The following SEPTIN9 variants were observed in gnomAD, a reference collection of about 807,000 sequenced individuals.
The protein encoded by SEPTIN9 is septin-9.
SEPTIN9 carries 13 observed loss-of-function variants against 56.6 expected under a neutral mutation model. The ratio of observed to expected loss-of-function variants is 0.23; its 90% CI spans 0.15 to 0.37. The LOEUF (loss-of-function observed/expected upper bound fraction) is 0.37. SEPTIN9 is among the 10% of genes least tolerant of loss of function. The pLI is 1.00. For missense variants in SEPTIN9, 650 were observed against 823.1 expected (o/e 0.79, Z 2.57); for synonymous variants, 332 against 334.1 (o/e 0.99, Z 0.07).
chr17:77,441,507 C>T (rs895473439), intron 3 of SEPTIN9, among the ~76,000 whole-genome samples: 4 of 152,192 alleles, frequency 2.6e-5, no homozygotes, highest in African/African-American at 4.8e-5. Flanking sequence ...CCCCAAAACC[C>T]CATAAGGGAG....
In SEPTIN9 at chr17:77,402,008, T is replaced by C; in HGVS notation, c.77-51T>C. The stretch of plus-strand genomic sequence containing the variant: ...CTCCTTAGCAGGAAACATGCCGGAG[T>C]GTTCCCTAGCCATCCATTCACCAAT... On this transcript the variant is annotated intron_variant, in intron 2 of 11. Coordinates refer to ENST00000427177, the MANE Select transcript of SEPTIN9 (RefSeq NM_001113491.2). This position sits in a 1 kb window ranked among gnomAD's most constrained non-coding sequence, Gnocchi z 6.6. 1 of 1,571,008 alleles carries C rather than the reference T, an allele frequency of 6.4e-7. No individual in the cohort carries two copies. Among genetic ancestry groups the C allele is most frequent in the African/African-American group, 1.4e-5 (1 of 73,800 alleles).
At chr17:77,373,888 T>A (rs911287142) in intron 2 of SEPTIN9, 1 of 294,902 alleles carries the variant, frequency 3.4e-6, no homozygotes, top group Non-Finnish European at 6.3e-6. Context: ...CTCGCGAGGC[T>A]GCCTCGGAAC....
In SEPTIN9 at chr17:77,498,841, C is replaced by T. The variant is rs1321463223; in HGVS notation, c.*183C>T. 16 of 627,282 alleles carry T rather than the reference C, an allele frequency of 2.6e-5. No homozygotes were observed. The highest frequency in any genetic ancestry group is 3.0e-4 in the Middle Eastern group (1 of 3,372). 38.9% of individuals were successfully genotyped at this position (627,282 alleles called of 1,614,324 possible). A position where few individuals can be genotyped will look rare whatever the true frequency, so the allele number is the denominator to read the frequency against. On this transcript the variant is annotated 3_prime_UTR_variant, in exon 12 of 12. Coordinates refer to ENST00000427177, the MANE Select transcript of SEPTIN9 (RefSeq NM_001113491.2). ...TCCGAGTGAGTCAGTGATGAGGCCG[C>T]GGCCTCCCCGAGGTTGTGGGGAGGC...
rs1568114370 is a variant in SEPTIN9, at chr17:77,486,523, C to CGT, written c.914-900_914-899insTG. ...GTGTGTGTGTGTGTGTGTGTGTGTG[C>CGT]GCGCACGCGCGCGCGTGTTATATGT... On this transcript the variant is annotated intron_variant, in intron 4 of 11. Transcript: ENST00000427177. Among the ~76,000 whole-genome samples, 5 of 101,268 alleles carry CGT rather than the reference C, an allele frequency of 4.9e-5. No homozygotes were observed. The East Asian group carries it at 3.6e-3, about 74-fold the overall frequency. 66.4% of individuals were successfully genotyped at this position (101,268 alleles called of 152,430 possible).
At chr17:77,462,786 C>A (rs560558276) in intron 3 of SEPTIN9, among the ~76,000 whole-genome samples, 32 of 152,254 alleles carry the variant, frequency 2.1e-4, no homozygotes, top group Non-Finnish European at 2.2e-4. Flanking sequence ...CGACTACAGG[C>A]GTGTGCCACC....
chr17:77,466,638 C>T, intron 3 of SEPTIN9: 2 of 961,166 alleles, frequency 2.1e-6, no homozygotes, highest in Non-Finnish European at 2.5e-6. Context: ...TAGGCCAGGA[C>T]CAGAAGGCAC....
intron 3 of SEPTIN9, among the ~76,000 whole-genome samples, chr17:77,474,410 AG>A (rs1322770458): frequency 3.3e-5 from 5 of 152,250 alleles, no homozygotes; most frequent in Non-Finnish European, 7.3e-5. Context: ...ATGGAAACTA[AG>A]ATGCTAATGT....
chr17:77,350,751 CG>C (rs1813259519), intron 2 of SEPTIN9, among the ~76,000 whole-genome samples: 1 of 121,214 alleles, frequency 8.2e-6, no homozygotes, highest in African/African-American at 3.1e-5. Context: ...GAAACGGGGG[CG>C]GGGGTGAGGG....
chr17:77,340,078 C>T (rs921998153), intron 2 of SEPTIN9, among the ~76,000 whole-genome samples: 3 of 151,996 alleles, frequency 2.0e-5, no homozygotes, highest in Non-Finnish European at 4.4e-5. Context: ...ATTTGCCTGC[C>T]TTGGCCTCCC....
rs187543114 is a variant in SEPTIN9, at chr17:77,367,277, C to A, written c.77-34782C>A. 1.3e-5 allele frequency among the ~76,000 whole-genome samples: 2 copies of A among 152,334 alleles called. No individual in the cohort carries two copies. The highest frequency in any genetic ancestry group is 1.9e-4 in the East Asian group (1 of 5,188). Reference sequence around the variant, plus strand: ...ACCATGCACTGTCTGTGATCCTGGGCATGTCGAGGCTGGAGCAGGTCTGCT... The same window carrying A: ...ACCATGCACTGTCTGTGATCCTGGGAATGTCGAGGCTGGAGCAGGTCTGCT... On this transcript the variant is annotated intron_variant, in intron 2 of 11. Transcript: ENST00000427177. This position sits in a 1 kb window ranked among gnomAD's most constrained non-coding sequence, Gnocchi z 4.5.
intron 3 of SEPTIN9, among the ~76,000 whole-genome samples, chr17:77,403,435 G>A (rs925737788): frequency 1.2e-4 from 18 of 152,344 alleles, no homozygotes; most frequent in African/African-American, 3.6e-4. Context: ...CTCCAGCAGC[G>A]TCCTGGGAGG....
intron 2 of SEPTIN9, among the ~76,000 whole-genome samples, chr17:77,351,337 G>A (rs1568008354): frequency 6.6e-6 from 1 of 152,140 alleles, no homozygotes; most frequent in Non-Finnish European, 1.5e-5. Flanking sequence ...CTGGGAAACT[G>A]TAGGCCCCAC....
At chr17:77,378,157 C>T (rs1340444195) in intron 2 of SEPTIN9, among the ~76,000 whole-genome samples, 1 of 152,104 alleles carries the variant, frequency 6.6e-6, no homozygotes, top group Admixed American at 6.5e-5. Context: ...GCCAGGACAC[C>T]CCTGCAGTGA....
chr17:77,332,685 C>T (rs916950989), intron 2 of SEPTIN9, among the ~76,000 whole-genome samples: 1 of 152,214 alleles, frequency 6.6e-6, no homozygotes, highest in African/African-American at 2.4e-5. Flanking sequence ...CCTCCAGGTG[C>T]ATCACAGTCC....
At chr17:77,420,230 G>A (rs531983741) in intron 3 of SEPTIN9, among the ~76,000 whole-genome samples, 7 of 152,326 alleles carry the variant, frequency 4.6e-5, no homozygotes, top group Non-Finnish European at 8.8e-5. Context: ...TCTGTCTGGG[G>A]ACCTTCTGTT....
intron 3 of SEPTIN9, among the ~76,000 whole-genome samples, chr17:77,477,003 G>A (rs2039239918): frequency 1.3e-5 from 2 of 152,168 alleles, no homozygotes; most frequent in Admixed American, 1.3e-4. Flanking sequence ...TGCCATAGTG[G>A]TTTGCTGCAC....
chr17:77,370,925 G>C (rs1229867126), intron 2 of SEPTIN9, among the ~76,000 whole-genome samples: 2 of 152,242 alleles, frequency 1.3e-5, no homozygotes, highest in Admixed American at 6.5e-5. Flanking sequence ...GGCTGAGAAA[G>C]AGGAGGCCAA....
chr17:77,319,973 CT>C lies in SEPTIN9; in HGVS notation c.76+12777del. The C allele has an allele frequency of 8.4e-7, 1 of 1,193,996 alleles. No individual in the cohort carries two copies. The highest frequency in any genetic ancestry group is 3.9e-5 in the East Asian group (1 of 25,608). The allele number at this position is 1,193,996 out of a possible 1,614,324, so 74.0% of individuals were successfully genotyped here. A position where few individuals can be genotyped will look rare whatever the true frequency, so the allele number is the denominator to read the frequency against. On this transcript the variant is annotated intron_variant, in intron 2 of 11. Transcript: ENST00000427177. The surrounding 1 kb of genome is among the most constrained non-coding windows in gnomAD (Gnocchi z 5.3). Reference sequence around the variant, plus strand: ...AGACCGGGCGGCCGGGACTCTGGGACTCTCGCAGGCAGACCCGGTGGTCTGC... The same window carrying C: ...AGACCGGGCGGCCGGGACTCTGGGACCTCGCAGGCAGACCCGGTGGTCTGC...
intron 2 of SEPTIN9, among the ~76,000 whole-genome samples, chr17:77,353,073 T>TG (rs1326278472): frequency 1.3e-5 from 2 of 152,198 alleles, no homozygotes; most frequent in Non-Finnish European, 2.9e-5. Flanking sequence ...TCATAGGTAC[T>TG]GGGGGGTCAG....
Sources: gnomAD v4.1 joint callset for allele counts (sites outside exome capture counted in the v4.1 genomes callset) on GRCh38, gnomAD v4.1.1 for gene constraint, Gnocchi (gnomAD v3.1) non-coding constraint, MANE v1.5 for transcripts, NCBI Gene and HGNC (gene_info 2026-07-23, HGNC 2026-07-21) for gene names.